Variants in CRADD observed in about 807,000 individuals in gnomAD.
The protein encoded by CRADD is death domain-containing protein CRADD.
In CRADD, 9 loss-of-function variants were observed where a neutral mutation model predicts 15.5. The ratio of observed to expected loss-of-function variants is 0.58; its 90% confidence interval spans 0.35 to 1.01. The LOEUF (loss-of-function observed/expected upper bound fraction) is 1.01, where lower values mean the gene tolerates loss of function less well. Among genes scored for constraint, CRADD ranks in the 50% least tolerant of loss-of-function variants. CRADD has a pLI of 0.02. For synonymous variants in CRADD, 118 were observed against 107.6 expected (o/e 1.10, Z -0.60); for missense variants, 227 against 250.3 (o/e 0.91, Z 0.63).
intron 2 of CRADD, among the ~76,000 whole-genome samples, chr12:93,803,802 G>A (rs2136999715): frequency 6.6e-6 from 1 of 152,080 alleles, no homozygotes; most frequent in East Asian, 1.9e-4. Context: ...TGTGATTAAG[G>A]GTACTGATCT....
At chr12:93,832,077 A>G (rs944442168) in intron 2 of CRADD, among the ~76,000 whole-genome samples, 2 of 152,164 alleles carry the variant, frequency 1.3e-5, no homozygotes, top group African/African-American at 2.4e-5. Context: ...TAACTTGATG[A>G]TATCACATTT....
At chr12:93,750,523 C>CA (rs1252393377) in intron 2 of CRADD, among the ~76,000 whole-genome samples, 1 of 151,810 alleles carries the variant, frequency 6.6e-6, no homozygotes, top group Non-Finnish European at 1.5e-5. Flanking sequence ...AAAAAAATAA[C>CA]AAAAAATACA....
intron 2 of CRADD, among the ~76,000 whole-genome samples, chr12:93,790,393 A>G (rs531946981): frequency 6.6e-6 from 1 of 152,194 alleles, no homozygotes; most frequent in African/African-American, 2.4e-5. Flanking sequence ...GCACACCAGC[A>G]TGGCACATGT....
At chr12:93,880,176 A>G (rs531422220) in intron 2 of CRADD, among the ~76,000 whole-genome samples, 1 of 152,274 alleles carries the variant, frequency 6.6e-6, no homozygotes, top group South Asian at 2.1e-4. Context: ...GGCATTTTCT[A>G]GGTAATGTCT....
At chr12:93,792,081 T>C (rs1021424086) in intron 2 of CRADD, among the ~76,000 whole-genome samples, 3 of 152,134 alleles carry the variant, frequency 2.0e-5, no homozygotes, top group African/African-American at 7.2e-5. Context: ...ATTAGCCATA[T>C]ATAAGTAACC....
chr12:93,684,781 G>C (rs1955395117), intron 2 of CRADD, among the ~76,000 whole-genome samples: 1 of 152,214 alleles, frequency 6.6e-6, no homozygotes, highest in South Asian at 2.1e-4. Flanking sequence ...TGGCTGCAGA[G>C]TTGATACAGG....
chr12:93,869,078 T>A (rs1276926813), intron 2 of CRADD, among the ~76,000 whole-genome samples: 1 of 152,170 alleles, frequency 6.6e-6, no homozygotes, highest in African/African-American at 2.4e-5. Flanking sequence ...AGTTTGAAGT[T>A]AAAATCTCAC....
chr12:93,851,824 T>C (rs538163988), downstream of CRADD, among the ~76,000 whole-genome samples: 5 of 152,264 alleles, frequency 3.3e-5, no homozygotes, highest in Non-Finnish European at 7.3e-5. Flanking sequence ...TCATGTTTTT[T>C]ATTTCTCTCC....
chr12:93,883,087 G>A (rs931822277), intron 2 of CRADD, among the ~76,000 whole-genome samples: 2 of 152,174 alleles, frequency 1.3e-5, no homozygotes, highest in Admixed American at 6.5e-5. Flanking sequence ...ATTAATGTGG[G>A]ATATAATTTA....
In CRADD at chr12:93,824,840, A is replaced by G. The variant is rs372425014; in HGVS notation, c.299-25130A>G. Among the ~76,000 whole-genome samples, 2 of 152,210 alleles carry G rather than the reference A, an allele frequency of 1.3e-5. No homozygotes were observed. Among genetic ancestry groups the G allele is most frequent in the Admixed American group, 6.5e-5 (1 of 15,280 alleles). ...GGAGGTAAAAGCTGCCCCTGGACAGAGTGAAGCATGCAGAGGGAGGCGGAG... is the reference window on the plus strand; with the variant it reads ...GGAGGTAAAAGCTGCCCCTGGACAGGGTGAAGCATGCAGAGGGAGGCGGAG... On this transcript the variant is annotated intron_variant, in intron 2 of 2. Coordinates refer to ENST00000332896, the MANE Select transcript of CRADD (RefSeq NM_003805.5). This position sits in a 1 kb window ranked among gnomAD's most constrained non-coding sequence, Gnocchi z 4.3.
At chr12:93,770,996 A>G (rs1253818688) in intron 2 of CRADD, among the ~76,000 whole-genome samples, 1 of 152,218 alleles carries the variant, frequency 6.6e-6, no homozygotes, top group East Asian at 1.9e-4. Flanking sequence ...TGTGTTTTCT[A>G]TAATTCATTG....
At chr12:93,893,915 A>T in intron 2 of CRADD, 2 of 626,932 alleles carry the variant, frequency 3.2e-6, no homozygotes, top group Non-Finnish European at 5.7e-6. Context: ...AGAAAAAAAA[A>T]AAAATAAGCA....
chr12:93,864,951 G>A (rs1001264010), intron 2 of CRADD, among the ~76,000 whole-genome samples: 2 of 152,192 alleles, frequency 1.3e-5, no homozygotes, highest in East Asian at 3.8e-4. Context: ...TTAGAACAGT[G>A]TCAGGCACGG....
At chr12:93,740,932 G>T (rs898934760) in intron 2 of CRADD, among the ~76,000 whole-genome samples, 2 of 151,930 alleles carry the variant, frequency 1.3e-5, no homozygotes, top group Non-Finnish European at 2.9e-5. Context: ...TGCAGATTCC[G>T]GCTTTCTCTG....
chr12:93,879,301 A>G (rs1045046255), intron 2 of CRADD, among the ~76,000 whole-genome samples: 3 of 152,098 alleles, frequency 2.0e-5, no homozygotes, highest in African/African-American at 7.2e-5. Flanking sequence ...CAGGAAGCTT[A>G]ATAAAATTAC....
rs776780462 is a variant in CRADD at position 93,679,038 on chromosome 12, G to A, written c.264G>A (p.Lys88=). 5 of 1,613,964 alleles carry A rather than the reference G, an allele frequency of 3.1e-6. No homozygotes were observed. The highest frequency in any genetic ancestry group is 4.2e-6 in the Non-Finnish European group (5 of 1,179,944). The change falls in exon 2 of 3, where the codon AAG becomes AAA. Residue 88 remains lysine (K), a synonymous_variant. Coordinates refer to ENST00000332896, the MANE Select transcript of CRADD (RefSeq NM_003805.5). ...CCTGGGTCAGGGAGAAGCTGAAGAAGGCAAGGGAAGAGGCCATGACCGACC... is the reference window on the plus strand; with the variant it reads ...CCTGGGTCAGGGAGAAGCTGAAGAAAGCAAGGGAAGAGGCCATGACCGACC... ...EFPWVREKLK[K]AREEAMTDLP...
chr12:93,770,603 A>T (rs1565907439), intron 2 of CRADD, among the ~76,000 whole-genome samples: 1 of 152,198 alleles, frequency 6.6e-6, no homozygotes, highest in Non-Finnish European at 1.5e-5. Flanking sequence ...CCATAACATA[A>T]ATCAAATATC....
At chr12:93,721,764 G>T (rs1199596805) in intron 2 of CRADD, among the ~76,000 whole-genome samples, 7 of 152,108 alleles carry the variant, frequency 4.6e-5, no homozygotes, top group African/African-American at 1.7e-4. Context: ...TATCCACTGG[G>T]GGTGGGGCCC....
intron 2 of CRADD, among the ~76,000 whole-genome samples, chr12:93,767,694 A>G (rs1269010905): frequency 6.6e-6 from 1 of 152,216 alleles, no homozygotes; most frequent in Non-Finnish European, 1.5e-5. Flanking sequence ...ATTTAATTTA[A>G]AAGCCTGAAT....
Sources: allele counts gnomAD v4.1 joint callset (sites outside exome capture counted in the v4.1 genomes callset), GRCh38; gene constraint gnomAD v4.1.1; non-coding constraint Gnocchi (gnomAD v3.1); transcripts MANE v1.5; gene names NCBI Gene and HGNC (gene_info 2026-07-23, HGNC 2026-07-21).